TENM3: variants seen among roughly 807,000 people sequenced by gnomAD.
The protein encoded by TENM3 is teneurin transmembrane protein 3.
In TENM3, 63 loss-of-function variants were observed where a neutral mutation model predicts 255.1. That is an observed-to-expected ratio of 0.25 (90% CI 0.20 to 0.30). The LOEUF (loss-of-function observed/expected upper bound fraction) is 0.30. Ranked by LOEUF, TENM3 falls within the 10% of genes least tolerant of loss-of-function variation. The probability of loss-of-function intolerance (pLI) is 1.00; values close to 1 mark genes in which losing one functional copy is unlikely to be tolerated. For missense variants in TENM3, 2,929 were observed against 3,461.1 expected, an observed-to-expected ratio of 0.85 and a Z score of 3.86; for synonymous variants, 1,306 against 1,322.3, an observed-to-expected ratio of 0.99 and a Z score of 0.27.
intron 3 of TENM3, among the ~76,000 whole-genome samples, chr4:182,563,339 A>T (rs1051537352): frequency 1.3e-5 from 2 of 152,184 alleles, no homozygotes; most frequent in Non-Finnish European, 2.9e-5. Flanking sequence ...CTGAGGAGGC[A>T]GGAGAATCGC....
At chr4:181,651,451 G>C in the TENM3 span, among the ~76,000 whole-genome samples, 1 of 152,056 alleles carries the variant, frequency 6.6e-6, no homozygotes, top group Non-Finnish European at 1.5e-5. Context: ...ACCTGGACAT[G>C]GTGGCATGTG....
At chr4:182,437,728 G>C (rs757411896) in intron 3 of TENM3, among the ~76,000 whole-genome samples, 3 of 151,916 alleles carry the variant, frequency 2.0e-5, no homozygotes, top group Non-Finnish European at 4.4e-5. Flanking sequence ...AACCCAGGAG[G>C]CAGAGGTTGC....
chr4:182,474,903 A>T (rs914715980), intron 3 of TENM3, among the ~76,000 whole-genome samples: 3 of 151,978 alleles, frequency 2.0e-5, no homozygotes, highest in Admixed American at 6.5e-5. Flanking sequence ...CTGCTCCCTA[A>T]TGCTGTTGTC....
At chr4:181,503,871 C>G in the TENM3 span, among the ~76,000 whole-genome samples, 2 of 152,144 alleles carry the variant, frequency 1.3e-5, no homozygotes, top group Middle Eastern at 3.2e-3. Context: ...CTGCTCCGCT[C>G]GGAAGGAGGC....
the TENM3 span, among the ~76,000 whole-genome samples, chr4:181,466,128 T>C: frequency 2.0e-5 from 3 of 149,162 alleles, no homozygotes; most frequent in Admixed American, 2.0e-4. Context: ...TTTTGTTTTG[T>C]TTTTTTGAGA....
chr4:182,199,881 C>A (rs1333264441), intron 1 of TENM3, among the ~76,000 whole-genome samples: 1 of 151,916 alleles, frequency 6.6e-6, no homozygotes, highest in Non-Finnish European at 1.5e-5. Context: ...CTCAGGCCAC[C>A]ACACCTGGCT....
the TENM3 span, among the ~76,000 whole-genome samples, chr4:182,022,906 G>A: frequency 1.6e-4 from 25 of 152,224 alleles, no homozygotes; most frequent in Non-Finnish European, 2.8e-4. Flanking sequence ...AGCATTTCTG[G>A]CCTAAAGTGG....
At chr4:182,334,043 T>G (rs1171951251) in intron 2 of TENM3, among the ~76,000 whole-genome samples, 2 of 152,194 alleles carry the variant, frequency 1.3e-5, no homozygotes, top group Non-Finnish European at 2.9e-5. Flanking sequence ...AATTTCTCTA[T>G]GCCTCCATTT....
the TENM3 span, among the ~76,000 whole-genome samples, chr4:181,815,813 A>G: frequency 6.6e-6 from 1 of 152,198 alleles, no homozygotes; most frequent in African/African-American, 2.4e-5. Flanking sequence ...TATATGTCTC[A>G]TGGCCAAAAG....
At chr4:181,611,966 C>A in the TENM3 span, among the ~76,000 whole-genome samples, 1 of 152,202 alleles carries the variant, frequency 6.6e-6, no homozygotes, top group African/African-American at 2.4e-5. Flanking sequence ...CTATTTTTTT[C>A]TGACATGATT....
At chr4:182,237,807 A>G (rs1756988191) in intron 1 of TENM3, among the ~76,000 whole-genome samples, 1 of 152,200 alleles carries the variant, frequency 6.6e-6, no homozygotes, top group South Asian at 2.1e-4. Flanking sequence ...GTACAGGTTA[A>G]GTTTTGTCAC....
At chr4:181,913,609 G>T in the TENM3 span, among the ~76,000 whole-genome samples, 3 of 152,256 alleles carry the variant, frequency 2.0e-5, no homozygotes, top group Middle Eastern at 3.4e-3. Context: ...TGGCGGGAGG[G>T]ACAGTTACAG....
chr4:181,860,342 TA>T, the TENM3 span, among the ~76,000 whole-genome samples: 1 of 152,164 alleles, frequency 6.6e-6, no homozygotes, highest in Non-Finnish European at 1.5e-5. Flanking sequence ...TCCAGAAGAG[TA>T]AAGCCAGACA....
chr4:181,605,212 G>A, the TENM3 span, among the ~76,000 whole-genome samples: 4 of 151,982 alleles, frequency 2.6e-5, no homozygotes, highest in South Asian at 6.2e-4. Context: ...TCGCGAGGCC[G>A]AAGTGGGTGG....
chr4:182,256,106 T>C (rs1758378224), intron 1 of TENM3, among the ~76,000 whole-genome samples: 1 of 152,214 alleles, frequency 6.6e-6, no homozygotes, highest in African/African-American at 2.4e-5. Flanking sequence ...GTTCCAACCG[T>C]TGCAAAATGA....
the TENM3 span, among the ~76,000 whole-genome samples, chr4:181,592,931 G>C: frequency 6.6e-6 from 1 of 152,102 alleles, no homozygotes; most frequent in Non-Finnish European, 1.5e-5. Context: ...TGTCTTCTTT[G>C]AGTTGAACAC....
chr4:181,477,549 C>A, the TENM3 span, among the ~76,000 whole-genome samples: 1 of 152,074 alleles, frequency 6.6e-6, no homozygotes, highest in Non-Finnish European at 1.5e-5. Flanking sequence ...TACATGTCTA[C>A]CTAAATGATT....
chr4:182,008,242 T>C, the TENM3 span, among the ~76,000 whole-genome samples: 1 of 152,138 alleles, frequency 6.6e-6, no homozygotes, highest in African/African-American at 2.4e-5. Flanking sequence ...TGGAGTCCTC[T>C]GTTTTCCTGA....
chr4:181,737,118 C>G, the TENM3 span, among the ~76,000 whole-genome samples: 1 of 152,274 alleles, frequency 6.6e-6, no homozygotes, highest in South Asian at 2.1e-4. Context: ...AAGTTCTCTT[C>G]CATGGAACAC....
Sources: allele counts gnomAD v4.1 joint callset (sites outside exome capture counted in the v4.1 genomes callset), GRCh38; gene constraint gnomAD v4.1.1; transcripts MANE v1.5; gene names NCBI Gene and HGNC (gene_info 2026-07-23, HGNC 2026-07-21).